WWOX: variants seen among roughly 807,000 people sequenced by gnomAD.
WWOX encodes WW domain-containing oxidoreductase.
A neutral mutation model predicts 46.2 loss-of-function variants in WWOX; 69 were observed. That is an observed-to-expected ratio of 1.49 (90% CI 1.23 to 1.82). The LOEUF (loss-of-function observed/expected upper bound fraction) is 1.82, where lower values mean the gene tolerates loss of function less well. WWOX is among the 40% of genes most tolerant of loss of function. The probability of loss-of-function intolerance (pLI) is 0.00; values close to 1 mark genes in which losing one functional copy is unlikely to be tolerated. For synonymous variants in WWOX, 359 were observed against 202.6 expected (o/e 1.77, Z -6.56); for missense variants, 919 against 542.6 (o/e 1.69, Z -6.89).
chr16:78,170,702 A>C (rs1300044435), intron 5 of WWOX, among the ~76,000 whole-genome samples: 1 of 152,214 alleles, frequency 6.6e-6, no homozygotes, highest in African/African-American at 2.4e-5. Flanking sequence ...TTAACTATTT[A>C]TGTGATTGCT....
chr16:78,463,317 A>C (rs926985913), intron 8 of WWOX, among the ~76,000 whole-genome samples: 4 of 152,176 alleles, frequency 2.6e-5, no homozygotes, highest in African/African-American at 7.2e-5. Context: ...CAATAGAAGA[A>C]ATTCTTACCC....
At chr16:78,276,655 G>A (rs1489563377) in intron 5 of WWOX, among the ~76,000 whole-genome samples, 2 of 152,208 alleles carry the variant, frequency 1.3e-5, no homozygotes, top group Non-Finnish European at 2.9e-5. Context: ...AAAGTCCAGT[G>A]TTTGTAGCTG....
intron 8 of WWOX, among the ~76,000 whole-genome samples, chr16:78,679,621 C>T (rs899620897): frequency 6.6e-6 from 1 of 152,152 alleles, no homozygotes; most frequent in East Asian, 1.9e-4. Context: ...TCTTTTAATT[C>T]TTGAAAGGAA....
At chr16:78,146,631 C>T (rs942682964) in intron 4 of WWOX, among the ~76,000 whole-genome samples, 3 of 152,116 alleles carry the variant, frequency 2.0e-5, no homozygotes, top group African/African-American at 7.2e-5. Flanking sequence ...AAAATGTTAT[C>T]AAATGAAGAA....
intron 8 of WWOX, among the ~76,000 whole-genome samples, chr16:78,631,984 A>C (rs888060568): frequency 2.0e-5 from 3 of 151,886 alleles, no homozygotes; most frequent in Admixed American, 2.0e-4. Flanking sequence ...CTTACTCGGA[A>C]AAATAAAACA....
intron 8 of WWOX, among the ~76,000 whole-genome samples, chr16:78,991,471 C>T (rs1451706584): frequency 6.6e-6 from 1 of 151,816 alleles, no homozygotes; most frequent in Admixed American, 6.6e-5. Context: ...TGTGGTGGTG[C>T]ACACCTGTAG....
chr16:78,376,113 G>A (rs1027154353), intron 5 of WWOX, among the ~76,000 whole-genome samples: 1 of 152,134 alleles, frequency 6.6e-6, no homozygotes, highest in Non-Finnish European at 1.5e-5. Flanking sequence ...GCCTCCCAAA[G>A]TGCTGGGATT....
At chr16:78,757,348 GCACCCC>G (rs1480119196) in intron 8 of WWOX, among the ~76,000 whole-genome samples, 2 of 152,010 alleles carry the variant, frequency 1.3e-5, no homozygotes, top group African/African-American at 4.8e-5. Flanking sequence ...CAGCACCCCA[GCACCCC>G]AGCATGACCA....
chr16:78,562,230 C>G (rs777811957), intron 8 of WWOX, among the ~76,000 whole-genome samples: 4 of 152,164 alleles, frequency 2.6e-5, no homozygotes, highest in Non-Finnish European at 4.4e-5. Flanking sequence ...AAATAAGAGC[C>G]TCGCGAGGTT....
intron 8 of WWOX, among the ~76,000 whole-genome samples, chr16:78,991,995 G>A (rs565509041): frequency 1.3e-5 from 2 of 152,290 alleles, no homozygotes; most frequent in African/African-American, 2.4e-5. Flanking sequence ...AGGGGGTTGG[G>A]AAACTCACCT....
chr16:78,346,438 C>G (rs1345740886), intron 5 of WWOX, among the ~76,000 whole-genome samples: 1 of 118,756 alleles, frequency 8.4e-6, no homozygotes, highest in Non-Finnish European at 2.0e-5. Context: ...GCAGGGTGGT[C>G]CGTATAGGGC....
intron 5 of WWOX, among the ~76,000 whole-genome samples, chr16:78,172,000 G>C (rs1287554869): frequency 6.6e-6 from 1 of 152,186 alleles, no homozygotes; most frequent in African/African-American, 2.4e-5. Context: ...AACCCATTGT[G>C]CAGATGAGGC....
At chr16:79,079,622 A>G (rs1458733451) in intron 8 of WWOX, among the ~76,000 whole-genome samples, 3 of 152,242 alleles carry the variant, frequency 2.0e-5, no homozygotes, top group South Asian at 2.1e-4. Flanking sequence ...TTGACCTGTC[A>G]TTCACTAAGT....
At chr16:78,246,181 A>T (rs1330903115) in intron 5 of WWOX, among the ~76,000 whole-genome samples, 1 of 152,136 alleles carries the variant, frequency 6.6e-6, no homozygotes, top group Admixed American at 6.5e-5. Context: ...GAAACATTGC[A>T]TTTGTACAGG....
chr16:78,953,675 T>G (rs995004656), intron 8 of WWOX, among the ~76,000 whole-genome samples: 1 of 152,148 alleles, frequency 6.6e-6, no homozygotes, highest in African/African-American at 2.4e-5. Flanking sequence ...GTGCCAAGCA[T>G]TTCGGTAGGC....
intron 8 of WWOX, among the ~76,000 whole-genome samples, chr16:79,118,339 G>A (rs1416554239): frequency 6.6e-6 from 1 of 152,192 alleles, no homozygotes; most frequent in Non-Finnish European, 1.5e-5. Flanking sequence ...TCTGATATGG[G>A]TGCAGTTTGT....
At chr16:78,545,675 A>G (rs2044012506) in intron 8 of WWOX, among the ~76,000 whole-genome samples, 1 of 152,218 alleles carries the variant, frequency 6.6e-6, no homozygotes, top group African/African-American at 2.4e-5. Flanking sequence ...TATGGCTAAC[A>G]TGACAAAATA....
chr16:78,596,178 G>A (rs1162115935), intron 8 of WWOX, among the ~76,000 whole-genome samples: 1 of 152,104 alleles, frequency 6.6e-6, no homozygotes, highest in Admixed American at 6.5e-5. Context: ...TCTTTTGAGT[G>A]ATATCAACAA....
intron 8 of WWOX, among the ~76,000 whole-genome samples, chr16:79,189,930 G>A (rs918685514): frequency 2.7e-5 from 4 of 148,826 alleles, no homozygotes; most frequent in Non-Finnish European, 6.0e-5. Flanking sequence ...GTATGGGGTG[G>A]GGAAGGGGGG....
Sources: gnomAD v4.1 joint callset for allele counts (sites outside exome capture counted in the v4.1 genomes callset) on GRCh38, gnomAD v4.1.1 for gene constraint, MANE v1.5 for transcripts, NCBI Gene and HGNC (gene_info 2026-07-23, HGNC 2026-07-21) for gene names.